GRM7: variants seen among roughly 807,000 people sequenced by gnomAD.
The protein encoded by GRM7 is metabotropic glutamate receptor 7.
In GRM7, 35 loss-of-function variants were observed where a neutral mutation model predicts 84.5. That is an observed-to-expected ratio of 0.41 (90% CI 0.32 to 0.55). The LOEUF (loss-of-function observed/expected upper bound fraction) is 0.55, where lower values mean the gene tolerates loss of function less well. GRM7 is among the 20% of genes least tolerant of loss of function. The pLI is 0.19. For missense variants in GRM7, 1,003 were observed against 1,194.6 expected (o/e 0.84, Z 2.36); for synonymous variants, 487 against 455.1 (o/e 1.07, Z -0.89).
intron 5 of GRM7, among the ~76,000 whole-genome samples, chr3:7,425,449 CT>C (rs1338550294): frequency 6.6e-6 from 1 of 152,146 alleles, no homozygotes; most frequent in Non-Finnish European, 1.5e-5. Flanking sequence ...ATCTCATTTG[CT>C]TGGGACCTTC....
intron 5 of GRM7, among the ~76,000 whole-genome samples, chr3:7,443,519 C>CAAA: frequency 6.6e-6 from 1 of 152,048 alleles, no homozygotes; most frequent in African/African-American, 2.4e-5. Context: ...TGTTTCCCTC[C>CAAA]GTTCTTTTAC....
At chr3:7,288,158 A>G (rs1431718290) in intron 2 of GRM7, among the ~76,000 whole-genome samples, 6 of 152,220 alleles carry the variant, frequency 3.9e-5, no homozygotes, top group South Asian at 4.1e-4. Context: ...TGAAGACTCA[A>G]TCCTTCTCCT....
chr3:7,401,734 A>G (rs1376680312), intron 4 of GRM7, among the ~76,000 whole-genome samples: 1 of 152,156 alleles, frequency 6.6e-6, no homozygotes, highest in Non-Finnish European at 1.5e-5. Context: ...CCATCATTGC[A>G]TCTCTCTAAC....
At chr3:6,939,450 G>T (rs1689559671) in intron 1 of GRM7, among the ~76,000 whole-genome samples, 1 of 151,716 alleles carries the variant, frequency 6.6e-6, no homozygotes, top group Non-Finnish European at 1.5e-5. Flanking sequence ...AAAAAAAACA[G>T]TTATTCACAT....
At chr3:7,660,336 A>C (rs897495745) in intron 8 of GRM7, among the ~76,000 whole-genome samples, 1 of 152,220 alleles carries the variant, frequency 6.6e-6, no homozygotes, top group African/African-American at 2.4e-5. Flanking sequence ...AAAACATCTG[A>C]CTTGAATTTA....
At chr3:7,004,394 A>G (rs1695114286) in intron 1 of GRM7, among the ~76,000 whole-genome samples, 1 of 152,174 alleles carries the variant, frequency 6.6e-6, no homozygotes, top group African/African-American at 2.4e-5. Flanking sequence ...AACTTTGGAT[A>G]TAATTATATA....
chr3:7,531,595 T>C (rs1322191641), intron 7 of GRM7, among the ~76,000 whole-genome samples: 2 of 152,170 alleles, frequency 1.3e-5, no homozygotes, highest in Non-Finnish European at 2.9e-5. Flanking sequence ...AGTTCACTCA[T>C]GATTTGGCTC....
At chr3:7,193,186 G>T (rs544418949) in intron 2 of GRM7, among the ~76,000 whole-genome samples, 2 of 152,178 alleles carry the variant, frequency 1.3e-5, no homozygotes, top group Non-Finnish European at 2.9e-5. Flanking sequence ...TTCTTTAAGG[G>T]ATAAATGGGT....
chr3:7,464,721 G>T (rs779717), intron 7 of GRM7, among the ~76,000 whole-genome samples: 3 of 151,542 alleles, frequency 2.0e-5, no homozygotes, highest in Non-Finnish European at 2.9e-5. Flanking sequence ...CCAGCTACTC[G>T]GGAGGCTGAG....
intron 1 of GRM7, among the ~76,000 whole-genome samples, chr3:7,022,076 C>T (rs1429791138): frequency 1.3e-5 from 2 of 151,930 alleles, no homozygotes; most frequent in Non-Finnish European, 1.5e-5. Flanking sequence ...ACCTATAATC[C>T]CAGCACTTTG....
chr3:7,300,133 T>A (rs1232888059), intron 3 of GRM7, among the ~76,000 whole-genome samples: 1 of 152,160 alleles, frequency 6.6e-6, no homozygotes, highest in African/African-American at 2.4e-5. Flanking sequence ...AAGAGCTGTT[T>A]ATGTGTGTTT....
intron 1 of GRM7, among the ~76,000 whole-genome samples, chr3:7,093,086 C>G (rs1013416352): frequency 6.6e-6 from 1 of 152,098 alleles, no homozygotes; most frequent in African/African-American, 2.4e-5. Flanking sequence ...ACACCAACAA[C>G]AGCGACAACA....
At chr3:6,970,983 A>AAAAC (rs71063280) in intron 1 of GRM7, among the ~76,000 whole-genome samples, 49,325 of 148,900 alleles carry the variant, frequency 0.33, 8,774 homozygotes, top group African/African-American at 0.46. Context: ...CTCTGTCTCA[A>AAAAC]AAACAAACAA....
At chr3:7,225,387 ATAT>A (rs1413224736) in intron 2 of GRM7, among the ~76,000 whole-genome samples, 4 of 148,326 alleles carry the variant, frequency 2.7e-5, no homozygotes, top group African/African-American at 9.8e-5. Context: ...TAAAATATAG[ATAT>A]TATTTATATA....
intron 1 of GRM7, among the ~76,000 whole-genome samples, chr3:6,974,511 A>G (rs954112147): frequency 1.3e-5 from 2 of 152,302 alleles, no homozygotes; most frequent in Middle Eastern, 3.4e-3. Flanking sequence ...TGGGAACTCA[A>G]CATGTAGCTG....
intron 1 of GRM7, among the ~76,000 whole-genome samples, chr3:7,138,612 GA>G (rs1693845641): frequency 6.6e-6 from 1 of 151,542 alleles, no homozygotes; most frequent in South Asian, 2.1e-4. Flanking sequence ...CAGCATGTGG[GA>G]AAAAAACAGA....
chr3:7,055,460 A>C (rs2124961348), intron 1 of GRM7, among the ~76,000 whole-genome samples: 1 of 149,818 alleles, frequency 6.7e-6, no homozygotes, highest in Non-Finnish European at 1.5e-5. Flanking sequence ...CATTTTATAT[A>C]TAAATATTTT....
intron 1 of GRM7, among the ~76,000 whole-genome samples, chr3:6,975,785 A>T (rs753109472): frequency 6.6e-6 from 1 of 152,138 alleles, no homozygotes; most frequent in African/African-American, 2.4e-5. Context: ...ATAGGACATG[A>T]TCTACAATTT....
At chr3:7,159,679 C>G (rs999925072) in intron 2 of GRM7, among the ~76,000 whole-genome samples, 2 of 152,114 alleles carry the variant, frequency 1.3e-5, no homozygotes, top group Non-Finnish European at 2.9e-5. Flanking sequence ...TAAATACTAG[C>G]TCTACTCACA....
Sources: gnomAD v4.1 joint callset for allele counts (sites outside exome capture counted in the v4.1 genomes callset) on GRCh38, gnomAD v4.1.1 for gene constraint, MANE v1.5 for transcripts, NCBI Gene and HGNC (gene_info 2026-07-23, HGNC 2026-07-21) for gene names.